The following IMMP1L variants were observed in gnomAD, a reference collection of about 807,000 sequenced individuals.
IMMP1L encodes the protein mitochondrial inner membrane protease subunit 1.
Under a neutral mutation model 21.8 loss-of-function variants are expected in IMMP1L, and 24 were observed. The ratio of observed to expected loss-of-function variants is 1.10; its 90% CI spans 0.80 to 1.55. The LOEUF (loss-of-function observed/expected upper bound fraction) is 1.55. Among genes scored for constraint, IMMP1L ranks in the 40% most tolerant of loss-of-function variants. The probability of loss-of-function intolerance (pLI) is 0.00; values close to 1 mark genes in which losing one functional copy is unlikely to be tolerated. For missense variants in IMMP1L, 195 were observed against 200.7 expected (o/e 0.97, Z 0.17); for synonymous variants, 46 against 62.8 (o/e 0.73, Z 1.26).
intron 4 of IMMP1L, among the ~76,000 whole-genome samples, chr11:31,453,561 A>G (rs1186857897): frequency 2.0e-5 from 3 of 152,216 alleles, no homozygotes; most frequent in Non-Finnish European, 4.4e-5. Context: ...GGGACACACG[A>G]GAGGGGTAGA....
chr11:31,462,704 T>C (rs1954193691), intron 2 of IMMP1L, among the ~76,000 whole-genome samples: 1 of 152,224 alleles, frequency 6.6e-6, no homozygotes, highest in African/African-American at 2.4e-5. Flanking sequence ...AAATATGTGT[T>C]GAAATTTCAA....
chr11:31,461,908 G>A (rs1954152992), intron 2 of IMMP1L, among the ~76,000 whole-genome samples: 1 of 152,006 alleles, frequency 6.6e-6, no homozygotes, highest in South Asian at 2.1e-4. Context: ...TACTCTATTT[G>A]TAAATAAAAC....
intron 1 of IMMP1L, among the ~76,000 whole-genome samples, chr11:31,470,679 G>A (rs1954518116): frequency 6.6e-6 from 1 of 152,176 alleles, no homozygotes; most frequent in South Asian, 2.1e-4. Context: ...GCACTCCTAT[G>A]TTTATTGCAG....
chr11:31,444,564 G>C (rs1286603726), intron 4 of IMMP1L, among the ~76,000 whole-genome samples: 1 of 150,898 alleles, frequency 6.6e-6, no homozygotes, highest in South Asian at 2.1e-4. Flanking sequence ...TCCTAGATTA[G>C]CAGTAAAAAC....
chr11:31,501,528 C>A (rs1431947053), intron 1 of IMMP1L, among the ~76,000 whole-genome samples: 2 of 152,080 alleles, frequency 1.3e-5, no homozygotes, highest in South Asian at 4.1e-4. Flanking sequence ...GAATTGTGAG[C>A]CAATATATTT....
intron 1 of IMMP1L, chr11:31,473,901 G>A (rs1954648249): frequency 4.9e-6 from 1 of 203,506 alleles, no homozygotes; most frequent in Admixed American, 6.5e-5. Context: ...AAGACCATCG[G>A]TTTACATAAA....
intron 1 of IMMP1L, among the ~76,000 whole-genome samples, chr11:31,504,306 T>C (rs1472361250): frequency 2.0e-5 from 3 of 152,302 alleles, no homozygotes; most frequent in Middle Eastern, 3.4e-3. Flanking sequence ...ATGAATTTAT[T>C]TGGAAACGAA....
chr11:31,486,020 T>A (rs555895380), intron 1 of IMMP1L, among the ~76,000 whole-genome samples: 83 of 151,536 alleles, frequency 5.5e-4, no homozygotes, highest in Non-Finnish European at 1.0e-3. Flanking sequence ...TAAAGTGCAA[T>A]AACTATGGGG....
intron 1 of IMMP1L, among the ~76,000 whole-genome samples, chr11:31,503,748 T>G (rs1955697821): frequency 6.6e-6 from 1 of 152,180 alleles, no homozygotes. Context: ...CAGATTTTGC[T>G]GGGTAGTCAA....
intron 4 of IMMP1L, among the ~76,000 whole-genome samples, chr11:31,439,276 T>C (rs111941422): frequency 4.6e-4 from 70 of 152,266 alleles, no homozygotes; most frequent in Middle Eastern, 3.4e-3. Flanking sequence ...GTTACTCATT[T>C]TTTTTTCTTC....
intron 4 of IMMP1L, among the ~76,000 whole-genome samples, chr11:31,453,578 G>A (rs1953836087): frequency 6.6e-6 from 1 of 152,138 alleles, no homozygotes; most frequent in African/African-American, 2.4e-5. Context: ...TAGACCCTGC[G>A]AACATTTTGG....
intron 1 of IMMP1L, among the ~76,000 whole-genome samples, chr11:31,502,807 T>C (rs554200837): frequency 6.6e-6 from 1 of 152,336 alleles, no homozygotes; most frequent in Non-Finnish European, 1.5e-5. Context: ...GACATACAAA[T>C]GTTGGGCCAG....
chr11:31,505,473 G>A (rs1955748507), intron 1 of IMMP1L, among the ~76,000 whole-genome samples: 1 of 152,136 alleles, frequency 6.6e-6, no homozygotes, highest in East Asian at 1.9e-4. Flanking sequence ...CTGACATTAG[G>A]CAATCTGGCA....
At chr11:31,468,332 C>T (rs906644939) in intron 1 of IMMP1L, among the ~76,000 whole-genome samples, 1 of 152,260 alleles carries the variant, frequency 6.6e-6, no homozygotes, top group Admixed American at 6.5e-5. Flanking sequence ...AACTTCCTTT[C>T]ATATGGTTCA....
At position 31,433,460 on chromosome 11, in the gene IMMP1L, C is replaced by A; in HGVS notation, c.432G>T (p.Lys144Asn). The change falls in exon 5 of 6, where the codon AAG becomes AAT. Residue 144 changes from lysine (K) to asparagine (N), a missense_variant and splice_region_variant. Transcript: ENST00000532287. ...TTACATTTTAAGCAGAAAATGGTAC[C>A]TTAAAGAAGATTCGTCCTCTTATTA... ...YGLIRGRIFFKIWPLSDFGFL... is the reference protein window; with the variant it reads ...YGLIRGRIFFNIWPLSDFGFL... 6.5e-7 allele frequency: 1 copy of A among 1,536,500 alleles called. No individual in the cohort carries two copies. The highest frequency in any genetic ancestry group is 8.9e-7 in the Non-Finnish European group (1 of 1,126,630).
intron 1 of IMMP1L, among the ~76,000 whole-genome samples, chr11:31,499,784 G>A (rs1261802567): frequency 2.0e-5 from 3 of 151,752 alleles, no homozygotes; most frequent in South Asian, 2.1e-4. Flanking sequence ...CATATTACCC[G>A]CAAAACCTAA....
chr11:31,504,120 A>T (rs1226532538), intron 1 of IMMP1L, among the ~76,000 whole-genome samples: 2 of 152,212 alleles, frequency 1.3e-5, no homozygotes, highest in Admixed American at 6.5e-5. Flanking sequence ...AAAGTAAAAC[A>T]TCAATGGTTT....
intron 4 of IMMP1L, among the ~76,000 whole-genome samples, chr11:31,442,850 G>C (rs1398077290): frequency 6.6e-6 from 1 of 150,828 alleles, no homozygotes; most frequent in Admixed American, 6.6e-5. Flanking sequence ...CTTCTATTTA[G>C]TAAAAACAAA....
chr11:31,432,616 T>C (rs767900311), intron 5 of IMMP1L, 48 bp from the exon 6 acceptor site: 4 of 1,229,690 alleles, frequency 3.3e-6, no homozygotes, highest in African/African-American at 3.0e-5. Flanking sequence ...AGTAATGTTA[T>C]AGTATCATCA....
Sources: gnomAD v4.1 joint callset for allele counts (sites outside exome capture counted in the v4.1 genomes callset) on GRCh38, gnomAD v4.1.1 for gene constraint, MANE v1.5 for transcripts, NCBI Gene and HGNC (gene_info 2026-07-23, HGNC 2026-07-21) for gene names.